The following KIAA1217 variants were observed in gnomAD, a reference collection of about 807,000 sequenced individuals.
KIAA1217 encodes KIAA1217.
KIAA1217 carries 88 observed loss-of-function variants against 163.9 expected under a neutral mutation model. That is an observed-to-expected ratio of 0.54 (90% CI 0.45 to 0.64). The LOEUF (loss-of-function observed/expected upper bound fraction) is 0.64. KIAA1217 is among the 30% of genes least tolerant of loss of function. KIAA1217 has a pLI of 0.00. For missense variants in KIAA1217, 2,372 were observed against 2,475.0 expected, an observed-to-expected ratio of 0.96 and a Z score of 0.88; for synonymous variants, 903 against 923.1, an observed-to-expected ratio of 0.98 and a Z score of 0.39.
intron 6 of KIAA1217, among the ~76,000 whole-genome samples, chr10:24,487,643 C>T (rs941619085): frequency 2.2e-4 from 1 of 4,548 alleles, no homozygotes; most frequent in Non-Finnish European, 5.1e-3. Context: ...TTCATTTTTG[C>T]CTGTTTTTTT....
intron 1 of KIAA1217, among the ~76,000 whole-genome samples, chr10:23,928,368 G>T (rs1843117025): frequency 6.6e-6 from 1 of 152,152 alleles, no homozygotes; most frequent in South Asian, 2.1e-4. Flanking sequence ...AATTTGCGGT[G>T]AATTTTAGTT....
intron 2 of KIAA1217, among the ~76,000 whole-genome samples, chr10:24,324,999 A>T (rs982543571): frequency 6.6e-6 from 1 of 152,212 alleles, no homozygotes; most frequent in East Asian, 1.9e-4. Flanking sequence ...AGGAGTTGAA[A>T]AAAAGTGTAA....
rs5783868 is a variant in KIAA1217 at position 23,924,165 on chromosome 10, CTT to C, written c.-320-83046_-320-83045del. Among the ~76,000 whole-genome samples, 278 of 139,878 alleles carry C rather than the reference CTT, an allele frequency of 2.0e-3. 1 individual carries two copies. The highest frequency in any genetic ancestry group is 5.2e-3 in the African/African-American group (202 of 39,030). The allele number at this position is 139,878 out of a possible 152,430, so 91.8% of individuals were successfully genotyped here. Reference sequence around the variant, plus strand: ...TTCCCCACTATTTGCTACTCTGATTCTTTTTTTTTTTTTTTACTTTAAGTTCT... The same window carrying C: ...TTCCCCACTATTTGCTACTCTGATTCTTTTTTTTTTTTTACTTTAAGTTCT... On this transcript the variant is annotated intron_variant, in intron 1 of 18. Coordinates refer to the KIAA1217 transcript ENST00000376462.
chr10:24,348,038 T>C lies in KIAA1217; in HGVS notation c.355-32831T>C, dbSNP rs563229053. On this transcript the variant is annotated intron_variant, in intron 2 of 20. Coordinates refer to ENST00000376454, the MANE Select transcript of KIAA1217 (RefSeq NM_019590.5). ...TTGCTATATGAGTGAAAGATAATTA[T>C]TGATCATATGAACTTAAGATACAAT... Among the ~76,000 whole-genome samples the C allele has an allele frequency of 3.9e-5, 6 of 152,346 alleles. No individual in the cohort carries two copies. The South Asian group carries it at 1.2e-3, about 32-fold the overall frequency.
intron 2 of KIAA1217, among the ~76,000 whole-genome samples, chr10:24,100,719 A>G (rs890574980): frequency 6.6e-6 from 1 of 152,206 alleles, no homozygotes; most frequent in African/African-American, 2.4e-5. Flanking sequence ...ATCAATTCTC[A>G]TACTATAGAA....
At chr10:24,321,625 G>A (rs1195950765) in intron 2 of KIAA1217, among the ~76,000 whole-genome samples, 1 of 152,114 alleles carries the variant, frequency 6.6e-6, no homozygotes, top group African/African-American at 2.4e-5. Flanking sequence ...CAAAATGGAT[G>A]AACCTTGAGG....
At chr10:24,371,663 G>C (rs956177972) in intron 2 of KIAA1217, among the ~76,000 whole-genome samples, 2 of 152,156 alleles carry the variant, frequency 1.3e-5, no homozygotes, top group South Asian at 4.1e-4. Flanking sequence ...CCATGCATTT[G>C]TGTTGTCATT....
At chr10:23,916,088 G>A (rs142228297) in intron 1 of KIAA1217, among the ~76,000 whole-genome samples, 1,914 of 152,120 alleles carry the variant, frequency 0.013, 40 homozygotes, top group Admixed American at 0.015. Flanking sequence ...TTCAGCCTCC[G>A]GTTGCATATG....
At chr10:24,492,002 C>A (rs1258165638) in intron 6 of KIAA1217, among the ~76,000 whole-genome samples, 3 of 151,996 alleles carry the variant, frequency 2.0e-5, no homozygotes, top group Admixed American at 6.6e-5. Flanking sequence ...AGTGGTACAT[C>A]TCAAGGTAGC....
chr10:24,206,066 T>C (rs895193753), upstream of KIAA1217, among the ~76,000 whole-genome samples: 4 of 152,192 alleles, frequency 2.6e-5, no homozygotes, highest in African/African-American at 9.7e-5. Context: ...GTAGCTCATT[T>C]TGAGTCATGA....
chr10:23,934,565 A>ATATATATATATGTGTGTGTGTGTGTATG (rs1843401487), intron 1 of KIAA1217, among the ~76,000 whole-genome samples: 2 of 71,002 alleles, frequency 2.8e-5, no homozygotes, highest in African/African-American at 1.4e-4. Flanking sequence ...AAGTATATAT[A>ATATATATATATGTGTGTGTGTGTGTATG]TATATATATA....
chr10:23,873,172 G>T (rs1461518903), intron 1 of KIAA1217, among the ~76,000 whole-genome samples: 1 of 151,758 alleles, frequency 6.6e-6, no homozygotes, highest in Non-Finnish European at 1.5e-5. Context: ...TTAAACCTAG[G>T]GACAAATAAC....
At chr10:24,429,098 T>C (rs1233632083) in intron 3 of KIAA1217, among the ~76,000 whole-genome samples, 1 of 152,168 alleles carries the variant, frequency 6.6e-6, no homozygotes, top group Non-Finnish European at 1.5e-5. Context: ...CCTGATGGTT[T>C]GGATAGGTAT....
At chr10:24,469,268 G>A (rs955573042) in intron 5 of KIAA1217, among the ~76,000 whole-genome samples, 1 of 151,886 alleles carries the variant, frequency 6.6e-6, no homozygotes, top group Non-Finnish European at 1.5e-5. Context: ...TGGATTACAG[G>A]CGCATGCACT....
At chr10:24,184,870 T>G (rs1003535223) in intron 2 of KIAA1217, among the ~76,000 whole-genome samples, 1 of 152,210 alleles carries the variant, frequency 6.6e-6, no homozygotes, top group Non-Finnish European at 1.5e-5. Context: ...CGCTGGAGAA[T>G]TCTGCTCTTG....
chr10:24,055,417 T>C lies in KIAA1217; in HGVS notation c.-171+48043T>C, dbSNP rs186349276. On this transcript the variant is annotated intron_variant, in intron 2 of 18. Coordinates refer to the KIAA1217 transcript ENST00000376462. ...AATGTTTCCTACCATGTTTAATTTA[T>C]AGCTTCAAGTATCCACAAATATTTC... Among the ~76,000 whole-genome samples, 259 of 152,348 alleles carry C rather than the reference T, an allele frequency of 1.7e-3. 1 individual carries two copies. Among genetic ancestry groups the C allele is most frequent in the Non-Finnish European group, 2.3e-3 (159 of 68,022 alleles).
chr10:24,009,629 G>T (rs1847156605), intron 2 of KIAA1217, among the ~76,000 whole-genome samples: 1 of 152,112 alleles, frequency 6.6e-6, no homozygotes, highest in Admixed American at 6.6e-5. Flanking sequence ...TGACCTGTTG[G>T]TTATCCCCAC....
chr10:24,475,156 T>G (rs2063871185), intron 6 of KIAA1217, among the ~76,000 whole-genome samples: 1 of 151,962 alleles, frequency 6.6e-6, no homozygotes, highest in Non-Finnish European at 1.5e-5. Context: ...GAGGTGGAGG[T>G]TGCAGTGAGC....
intron 1 of KIAA1217, among the ~76,000 whole-genome samples, chr10:23,851,115 G>C (rs189420131): frequency 1.3e-5 from 2 of 151,840 alleles, no homozygotes. Flanking sequence ...TGCGACCATT[G>C]ACTCGTCATT....
Sources: gnomAD v4.1 joint callset for allele counts (sites outside exome capture counted in the v4.1 genomes callset) on GRCh38, gnomAD v4.1.1 for gene constraint, MANE v1.5 for transcripts, NCBI Gene and HGNC (gene_info 2026-07-23, HGNC 2026-07-21) for gene names.